Variants in TECPR2 observed in about 807,000 individuals in gnomAD.
TECPR2 encodes the protein tectonin beta-propeller repeat-containing protein 2.
A neutral mutation model predicts 138.1 loss-of-function variants in TECPR2; 65 were observed. The observed-to-expected ratio is 0.47, with a 90% confidence interval of 0.39 to 0.58. The LOEUF is 0.58. Among genes scored for constraint, TECPR2 ranks in the 20% least tolerant of loss-of-function variants. The pLI, the probability that TECPR2 is intolerant of heterozygous loss-of-function variation, is 0.00. For synonymous variants in TECPR2, 746 were observed against 749.8 expected, an observed-to-expected ratio of 0.99 and a Z score of 0.08; for missense variants, 1,553 against 1,824.5, an observed-to-expected ratio of 0.85 and a Z score of 2.71.
At position 102,497,016 on chromosome 14, in the gene TECPR2, C is replaced by G. The variant is rs1441754715; in HGVS notation, c.3827C>G (p.Pro1276Arg). ...AGCTTGGTCAGCGTCCATTCCAGCCCCAACGACCAGATGCTGTGGGTGCTT... is the reference window on the plus strand; with the variant it reads ...AGCTTGGTCAGCGTCCATTCCAGCCGCAACGACCAGATGCTGTGGGTGCTT... ...GVSLVSVHSS[P>R]NDQMLWVLDS... is the part of the protein sequence containing the mutation. Residue 1276 changes from proline to arginine, a missense_variant, in exon 18 of 20, where the codon CCC becomes CGC. Physicochemically the swap from Pro to Arg is moderately radical, Grantham distance 103 (BLOSUM62 -2). Coordinates refer to ENST00000359520, the MANE Select transcript of TECPR2 (RefSeq NM_014844.5). The G allele has an allele frequency of 6.2e-7, 1 of 1,614,064 alleles. No homozygotes were observed. The highest frequency in any genetic ancestry group is 1.7e-5 in the Admixed American group (1 of 60,018).
intron 17 of TECPR2, among the ~76,000 whole-genome samples, chr14:102,469,841 T>C (rs74085434): frequency 0.015 from 2,350 of 152,310 alleles, 55 homozygotes; most frequent in African/African-American, 0.054. Flanking sequence ...TTTCTATGCC[T>C]ATTGAGATGG....
At chr14:102,470,044 T>A (rs1890624355) in intron 17 of TECPR2, among the ~76,000 whole-genome samples, 1 of 152,206 alleles carries the variant, frequency 6.6e-6, no homozygotes, top group African/African-American at 2.4e-5. Flanking sequence ...GAGATATTGG[T>A]CTTTGGTTTT....
chr14:102,432,980 G>A (rs931737635), intron 8 of TECPR2, among the ~76,000 whole-genome samples: 2 of 144,792 alleles, frequency 1.4e-5, no homozygotes, highest in Non-Finnish European at 3.0e-5. Context: ...CTCCAGCCTC[G>A]CAACAGAGCA....
chr14:102,411,342 A>G (rs992068377), intron 4 of TECPR2, among the ~76,000 whole-genome samples: 12 of 152,226 alleles, frequency 7.9e-5, no homozygotes, highest in Non-Finnish European at 1.0e-4. Context: ...ACTTCCACGT[A>G]CGTATACGCC....
chr14:102,474,185 T>C (rs548676274), intron 17 of TECPR2, among the ~76,000 whole-genome samples: 1 of 152,170 alleles, frequency 6.6e-6, no homozygotes, highest in East Asian at 1.9e-4. Flanking sequence ...GGAGGATCAC[T>C]TGAGCCCAGG....
rs1889617776 is a variant in TECPR2, at chr14:102,434,929, T to C, written c.2112T>C (p.Asp704=). 6.2e-7 allele frequency: 1 copy of C among 1,613,824 alleles called. No homozygotes were observed. The highest frequency in any genetic ancestry group is 1.1e-5 in the South Asian group (1 of 91,090). ...STNLWHAVTD[D]DTGQKEIPIS... ...ATCTCTGGCATGCTGTCACTGATGA[T>C]GACACAGGTCAGAAAGAAATACCCA... Residue 704 remains aspartate, a synonymous_variant, in exon 9 of 20, where the codon GAT becomes GAC. Transcript: ENST00000359520.
chr14:102,381,245 G>A (rs1174427350), intron 2 of TECPR2, among the ~76,000 whole-genome samples: 2 of 152,210 alleles, frequency 1.3e-5, no homozygotes, highest in Non-Finnish European at 2.9e-5. Flanking sequence ...ACAGCTGTGA[G>A]CCACTGCGCC....
chr14:102,383,169 C>T (rs2139665173), intron 2 of TECPR2, among the ~76,000 whole-genome samples: 1 of 152,324 alleles, frequency 6.6e-6, no homozygotes, highest in South Asian at 2.1e-4. Context: ...TGTGCTACCT[C>T]CTAATCATTA....
intron 2 of TECPR2, among the ~76,000 whole-genome samples, chr14:102,393,863 A>T (rs2139677798): frequency 6.6e-6 from 1 of 152,224 alleles, no homozygotes; most frequent in Non-Finnish European, 1.5e-5. Context: ...CCTGGTCATG[A>T]TCATTTTTAT....
chr14:102,480,845 T>TG (rs1184231182), intron 17 of TECPR2, among the ~76,000 whole-genome samples: 4 of 119,048 alleles, frequency 3.4e-5, no homozygotes, highest in Non-Finnish European at 6.8e-5. Flanking sequence ...TTTTGGGTTT[T>TG]TTTTTTTTTT....
intron 13 of TECPR2, 89 bp downstream of exon 13, chr14:102,446,036 T>C: frequency 2.2e-6 from 3 of 1,383,032 alleles, no homozygotes; most frequent in Non-Finnish European, 2.9e-6. Flanking sequence ...TTAACGATAC[T>C]AGATTAAATT....
At chr14:102,386,810 ATGT>A (rs3068224) in intron 2 of TECPR2, among the ~76,000 whole-genome samples, 14 of 152,072 alleles carry the variant, frequency 9.2e-5, no homozygotes, top group South Asian at 2.1e-4. Flanking sequence ...TTAAATATTT[ATGT>A]TGTTGTTGTT....
In TECPR2 at chr14:102,376,675, T is replaced by G. The variant is rs1232386625; in HGVS notation, c.-47T>G. 1 of 1,574,614 alleles carries G rather than the reference T, an allele frequency of 6.4e-7. No individual in the cohort carries two copies. ...CCCCCAGGTTTCCCTAGATGACAAA[T>G]AAACATTCCTTTTCCTGCGTGAAGA... On this transcript the variant is annotated 5_prime_UTR_variant, in exon 2 of 20. Coordinates refer to ENST00000359520, the MANE Select transcript of TECPR2 (RefSeq NM_014844.5).
rs552181654 is a variant in TECPR2 at position 102,382,294 on chromosome 14, A to C, written c.219+5354A>C. Among the ~76,000 whole-genome samples, 482 of 144,662 alleles carry C rather than the reference A, an allele frequency of 3.3e-3. 7 individuals carry two copies. Among genetic ancestry groups the C allele is most frequent in the Non-Finnish European group, 1.8e-3 (117 of 65,400 alleles). 94.9% of individuals were successfully genotyped at this position (144,662 alleles called of 152,430 possible). On this transcript the variant is annotated intron_variant, in intron 2 of 19. Coordinates refer to ENST00000359520, the MANE Select transcript of TECPR2 (RefSeq NM_014844.5). ...GGCAATGAGAGTGAAACTCCGTCCC[A>C]AAAAAAAAAAAGAAAGAAAGTTGGA... is the stretch of plus-strand genomic sequence containing the variant.
intron 8 of TECPR2, among the ~76,000 whole-genome samples, chr14:102,432,739 C>G (rs1889542435): frequency 6.6e-5 from 10 of 151,236 alleles, no homozygotes; most frequent in Admixed American, 5.9e-4. Context: ...GGCGCAGTGG[C>G]TCATGCCTGT....
At chr14:102,473,835 T>C (rs945064078) in intron 17 of TECPR2, among the ~76,000 whole-genome samples, 6 of 152,202 alleles carry the variant, frequency 3.9e-5, no homozygotes, top group African/African-American at 1.4e-4. Context: ...GCAAGCATAG[T>C]TGGTGTGAAG....
chr14:102,473,153 G>A (rs1017436849), intron 17 of TECPR2, among the ~76,000 whole-genome samples: 7 of 152,252 alleles, frequency 4.6e-5, no homozygotes, highest in African/African-American at 1.2e-4. Context: ...TGTGACACCC[G>A]CCTCTGCCTC....
chr14:102,400,251 G>A (rs1442330441), intron 2 of TECPR2, among the ~76,000 whole-genome samples: 3 of 151,996 alleles, frequency 2.0e-5, no homozygotes, highest in Non-Finnish European at 4.4e-5. Context: ...TCTCCATGTT[G>A]GCCGGGCTGG....
intron 16 of TECPR2, among the ~76,000 whole-genome samples, chr14:102,458,495 C>G (rs1350581828): frequency 6.6e-6 from 1 of 152,180 alleles, no homozygotes; most frequent in Non-Finnish European, 1.5e-5. Context: ...GGTCTCGCAG[C>G]CAGACCCGGC....
Sources: gnomAD v4.1 joint callset for allele counts (sites outside exome capture counted in the v4.1 genomes callset) on GRCh38, gnomAD v4.1.1 for gene constraint, MANE v1.5 for transcripts, NCBI Gene and HGNC (gene_info 2026-07-23, HGNC 2026-07-21) for gene names.